The following SCN7A variants were observed in gnomAD, a reference collection of about 807,000 sequenced individuals.
SCN7A encodes sodium voltage-gated channel alpha subunit 7.
SCN7A carries 138 observed loss-of-function variants against 155.2 expected under a neutral mutation model. That is an observed-to-expected ratio of 0.89 (90% confidence interval 0.77 to 1.02). The LOEUF (loss-of-function observed/expected upper bound fraction) is 1.02, where lower values mean the gene tolerates loss of function less well. Among genes scored for constraint, SCN7A ranks in the 50% least tolerant of loss-of-function variants. The probability of loss-of-function intolerance (pLI) is 0.00; values close to 1 mark genes in which losing one functional copy is unlikely to be tolerated. For missense variants in SCN7A, 2,058 were observed against 1,986.6 expected, an observed-to-expected ratio of 1.04 and a Z score of -0.68; for synonymous variants, 693 against 649.0, an observed-to-expected ratio of 1.07 and a Z score of -1.03.
intron 13 of SCN7A, 34 bp downstream of exon 13, chr2:166,444,728 T>C (rs774087367): frequency 8.1e-7 from 1 of 1,227,244 alleles, no homozygotes; most frequent in Non-Finnish European, 1.2e-6. Context: ...ACTAAGAAAC[T>C]GCAAATGAAA....
intron 21 of SCN7A, among the ~76,000 whole-genome samples, chr2:166,416,023 C>A (rs1364322588): frequency 3.3e-5 from 5 of 152,050 alleles, no homozygotes; most frequent in Non-Finnish European, 7.4e-5. Flanking sequence ...GAAAGGAATT[C>A]ATTCCTGGAG....
chr2:166,434,340 T>G (rs551695439), intron 15 of SCN7A, among the ~76,000 whole-genome samples: 3 of 152,288 alleles, frequency 2.0e-5, no homozygotes, highest in South Asian at 4.1e-4. Flanking sequence ...TATCCATAGT[T>G]TTAGCATAGC....
chr2:166,474,469 T>A (rs1159440195), intron 3 of SCN7A, 125 bp from the exon 4 acceptor site: 3 of 369,072 alleles, frequency 8.1e-6, no homozygotes, highest in Non-Finnish European at 1.5e-5. Flanking sequence ...CTTCTTTTTT[T>A]ATATATTTTT....
intron 25 of SCN7A, among the ~76,000 whole-genome samples, 171 bp downstream of exon 25, chr2:166,409,494 C>T (rs1041819522): frequency 1.3e-5 from 2 of 151,860 alleles, no homozygotes; most frequent in African/African-American, 4.8e-5. Flanking sequence ...CATATGAATA[C>T]AAATGTGAAG....
chr2:166,423,428 A>G lies in SCN7A; in HGVS notation c.2858T>C (p.Phe953Ser), dbSNP rs1202627909. ...VTLLSTGTLA[F>S]EDIYMDQRKT... ...TCTCTGATCCATATATATATCTTCA[A>G]AAGCCTGTGGGTAAAAATAAAAAAA... Residue 953 changes from phenylalanine to serine, a missense_variant, in exon 19 of 26, where the codon TTT (phenylalanine) becomes TCT (serine). Phe to Ser is a radical substitution (Grantham distance 155). Coordinates refer to ENST00000643258, the MANE Select transcript of SCN7A (RefSeq NM_002976.4). The G allele has an allele frequency of 6.5e-7, 1 of 1,542,340 alleles. No homozygotes were observed. The highest frequency in any genetic ancestry group is 8.7e-7 in the Non-Finnish European group (1 of 1,151,270).
Position 166,404,074 on chromosome 2 carries a change from TA to T in SCN7A, c.*1505del, listed in dbSNP as rs1701013926. 1 of 151,926 alleles carries T rather than the reference TA, an allele frequency of 6.6e-6. No homozygotes were observed. The highest frequency in any genetic ancestry group is 1.5e-5 in the Non-Finnish European group (1 of 67,906). 9.4% of individuals were successfully genotyped at this position (151,926 alleles called of 1,614,324 possible). On this transcript the variant is annotated 3_prime_UTR_variant, in exon 26 of 26. Transcript: ENST00000643258. ...AAGGCTTGAGATCATGCATTCAGAA[TA>T]AAATACAATCACTGATACATAAACT...
chr2:166,472,277 G>A, intron 6 of SCN7A, 40 bp downstream of exon 6: 2 of 1,535,286 alleles, frequency 1.3e-6, no homozygotes, highest in South Asian at 2.5e-5. Context: ...CATTTTCTGA[G>A]CAAAACATTA....
intron 10 of SCN7A, among the ~76,000 whole-genome samples, chr2:166,458,029 A>G (rs1702322874): frequency 6.6e-6 from 1 of 152,216 alleles, no homozygotes; most frequent in African/African-American, 2.4e-5. Context: ...ATTTTTAATA[A>G]GCCCTGTTAT....
At chr2:166,430,200 T>G (rs1701704914) in intron 16 of SCN7A, among the ~76,000 whole-genome samples, 1 of 152,024 alleles carries the variant, frequency 6.6e-6, no homozygotes, top group Non-Finnish European at 1.5e-5. Context: ...ATTGTCAATA[T>G]TTTGTCCTAC....
Position 166,474,032 on chromosome 2 carries a change from T to C in SCN7A, c.354-144A>G, listed in dbSNP as rs1371479482. The C allele has an allele frequency of 3.4e-5, 18 of 525,692 alleles. 1 individual carries two copies. In the South Asian group the frequency reaches 7.7e-4, roughly 22 times the overall value. The allele number at this position is 525,692 out of a possible 1,614,324, so 32.6% of individuals were successfully genotyped here. On this transcript the variant is annotated intron_variant, in intron 4 of 25. Coordinates refer to ENST00000643258, the MANE Select transcript of SCN7A (RefSeq NM_002976.4). ...TATTTGTTAATATTTACTATTGTTGTGTATATTAGAAAATATACTTTATAT... is the reference window on the plus strand; with the variant it reads ...TATTTGTTAATATTTACTATTGTTGCGTATATTAGAAAATATACTTTATAT...
At chr2:166,413,987 A>ATG (rs1320917670) in intron 21 of SCN7A, among the ~76,000 whole-genome samples, 3 of 96,710 alleles carry the variant, frequency 3.1e-5, no homozygotes, top group Admixed American at 2.8e-4. Context: ...ATGTGTATAT[A>ATG]TATATATATA....
At chr2:166,420,355 A>G (rs1167052763) in intron 20 of SCN7A, among the ~76,000 whole-genome samples, 1 of 152,086 alleles carries the variant, frequency 6.6e-6, no homozygotes, top group Non-Finnish European at 1.5e-5. Flanking sequence ...TTACGTAGTA[A>G]TTAAAGTGGC....
At chr2:166,419,006 T>C (rs528985825) in intron 20 of SCN7A, among the ~76,000 whole-genome samples, 12 of 152,290 alleles carry the variant, frequency 7.9e-5, no homozygotes, top group Non-Finnish European at 1.6e-4. Flanking sequence ...CAGCCATTGT[T>C]TCATTGCCAT....
chr2:166,470,269 A>G (rs977976220), intron 7 of SCN7A, among the ~76,000 whole-genome samples: 4 of 150,048 alleles, frequency 2.7e-5, no homozygotes, highest in African/African-American at 1.0e-4. Flanking sequence ...TGAGGAAAAG[A>G]AAGAGGCAGA....
At chr2:166,431,991 T>C (rs1379835050) in intron 16 of SCN7A, among the ~76,000 whole-genome samples, 4 of 152,090 alleles carry the variant, frequency 2.6e-5, no homozygotes, top group African/African-American at 4.8e-5. Flanking sequence ...ACTGCCTGGT[T>C]ATTAATTTAT....
intron 16 of SCN7A, among the ~76,000 whole-genome samples, chr2:166,431,471 C>T (rs1004778114): frequency 6.6e-6 from 1 of 152,008 alleles, no homozygotes; most frequent in African/African-American, 2.4e-5. Flanking sequence ...ATTCCCCGAC[C>T]CTCCAGTGCC....
intron 18 of SCN7A, 47 bp from the exon 19 acceptor site, chr2:166,423,479 C>G: frequency 6.9e-7 from 1 of 1,452,892 alleles, no homozygotes; most frequent in Non-Finnish European, 9.0e-7. Context: ...CAGGTAATTT[C>G]TAAAAACTCT....
At chr2:166,466,521 G>A (rs566310400) in intron 7 of SCN7A, among the ~76,000 whole-genome samples, 16 of 151,914 alleles carry the variant, frequency 1.1e-4, no homozygotes, top group African/African-American at 3.9e-4. Flanking sequence ...ACCTAAAGCT[G>A]GCTTTATTTA....
chr2:166,405,958 G>A lies in SCN7A; in HGVS notation c.4671C>T (p.Gly1557=). 1 of 1,612,902 alleles carries A rather than the reference G, an allele frequency of 6.2e-7. No individual in the cohort carries two copies. The highest frequency in any genetic ancestry group is 8.5e-7 in the Non-Finnish European group (1 of 1,179,372). The change falls in exon 26 of 26, where the codon GGC becomes GGT. Residue 1557 remains glycine, a synonymous_variant. Transcript: ENST00000643258. ...TGGGGAGGTCCAAAGCAATGAGCTG[G>A]CCCTTGTTTGGTTTTGCCATGAAAA... is the stretch of plus-strand genomic sequence containing the variant. ...PPLFMAKPNK[G]QLIALDLPMA...
Sources: allele counts gnomAD v4.1 joint callset (sites outside exome capture counted in the v4.1 genomes callset), GRCh38; gene constraint gnomAD v4.1.1; transcripts MANE v1.5; gene names NCBI Gene and HGNC (gene_info 2026-07-23, HGNC 2026-07-21).